TENM3: variants seen among roughly 807,000 people sequenced by gnomAD.
TENM3 encodes teneurin transmembrane protein 3.
A neutral mutation model predicts 255.1 loss-of-function variants in TENM3; 63 were observed. The ratio of observed to expected loss-of-function variants is 0.25; its 90% CI spans 0.20 to 0.30. The LOEUF is 0.30. Ranked by LOEUF, TENM3 falls within the 10% of genes least tolerant of loss-of-function variation. TENM3 has a pLI of 1.00. For missense variants in TENM3, 2,929 were observed against 3,461.1 expected (o/e 0.85, Z 3.86); for synonymous variants, 1,306 against 1,322.3 (o/e 0.99, Z 0.27).
intron 6 of TENM3, 127 bp downstream of exon 6, chr4:182,654,020 C>G: frequency 1.2e-6 from 1 of 863,950 alleles, no homozygotes. Context: ...CAGATATCAT[C>G]TTTTTATAAG....
At chr4:181,760,413 T>C in the TENM3 span, among the ~76,000 whole-genome samples, 1 of 152,210 alleles carries the variant, frequency 6.6e-6, no homozygotes, top group Admixed American at 6.5e-5. Flanking sequence ...TTTGCACTAA[T>C]CTAGTCACTT....
At chr4:181,831,674 A>G in the TENM3 span, among the ~76,000 whole-genome samples, 2 of 152,180 alleles carry the variant, frequency 1.3e-5, no homozygotes, top group Admixed American at 1.3e-4. Context: ...CAGAAACATC[A>G]ATCACAGGAC....
intron 3 of TENM3, among the ~76,000 whole-genome samples, chr4:182,461,193 A>G (rs972160545): frequency 5.3e-5 from 8 of 152,214 alleles, no homozygotes; most frequent in African/African-American, 1.9e-4. Flanking sequence ...AAAGCAAATT[A>G]TCTTGCTTGG....
At chr4:181,504,784 T>G in the TENM3 span, among the ~76,000 whole-genome samples, 2 of 152,192 alleles carry the variant, frequency 1.3e-5, no homozygotes, top group East Asian at 3.9e-4. Context: ...CTGGGTGTAT[T>G]TTGGACAGCT....
the TENM3 span, among the ~76,000 whole-genome samples, chr4:181,649,072 C>CTG: frequency 6.6e-6 from 1 of 152,102 alleles, no homozygotes; most frequent in East Asian, 1.9e-4. Flanking sequence ...CTTGTGGTTA[C>CTG]TGTGGGCAAG....
chr4:182,177,250 C>A (rs141655225), intron 1 of TENM3, among the ~76,000 whole-genome samples: 1 of 152,224 alleles, frequency 6.6e-6, no homozygotes, highest in East Asian at 1.9e-4. Context: ...CCCAATGATA[C>A]ATTTCATTAT....
chr4:182,259,374 G>A (rs973629891), intron 1 of TENM3, among the ~76,000 whole-genome samples: 15 of 152,092 alleles, frequency 9.9e-5, no homozygotes, highest in Non-Finnish European at 4.4e-5. Flanking sequence ...GTGTAGTGGT[G>A]CAAACATGGG....
Position 182,792,302 on chromosome 4 carries a change from G to A in TENM3, c.5630G>A (p.Arg1877Gln). The A allele has an allele frequency of 1.9e-6, 3 of 1,613,758 alleles. No individual in the cohort carries two copies. The highest frequency in any genetic ancestry group is 1.7e-6 in the Non-Finnish European group (2 of 1,179,724). Residue 1877 changes from arginine to glutamine, a missense_variant, in exon 26 of 28, where the codon CGG becomes CAG. This residue lies in a region of TENM3 where 303 missense variants were observed against 425.2 expected (regional missense o/e 0.71). Coordinates refer to ENST00000511685, the MANE Select transcript of TENM3 (RefSeq NM_001080477.4). The surrounding 1 kb of genome is among the most constrained non-coding windows in gnomAD (Gnocchi z 6.3). ...ATGGTTCTTCTGCTTCATAGCCAGC[G>A]GCAGTACATCTTCGAATACGATATG... The part of the protein sequence containing the change: ...KSMVLLLHSQ[R>Q]QYIFEYDMWD...
chr4:182,339,152 G>GA (rs1032677652), intron 2 of TENM3, among the ~76,000 whole-genome samples: 34 of 152,082 alleles, frequency 2.2e-4, no homozygotes, highest in Non-Finnish European at 4.1e-4. Context: ...TGAGTTTTAT[G>GA]AAAAAAGACA....
the TENM3 span, among the ~76,000 whole-genome samples, chr4:181,641,718 T>A: frequency 2.4e-5 from 3 of 125,136 alleles, no homozygotes; most frequent in African/African-American, 9.1e-5. Context: ...TTATATATTA[T>A]ATGTATAATA....
the TENM3 span, among the ~76,000 whole-genome samples, chr4:181,549,938 T>C: frequency 8.6e-3 from 1,305 of 152,176 alleles, 15 homozygotes; most frequent in African/African-American, 0.029. Context: ...CATACAGTTT[T>C]TTTTTCTTTT....
the TENM3 span, among the ~76,000 whole-genome samples, chr4:181,757,879 A>G: frequency 6.6e-6 from 1 of 152,180 alleles, no homozygotes; most frequent in East Asian, 1.9e-4. Flanking sequence ...TTGTGCTGGA[A>G]GCATCTGTTT....
At chr4:181,760,810 G>A in the TENM3 span, among the ~76,000 whole-genome samples, 3 of 151,760 alleles carry the variant, frequency 2.0e-5, no homozygotes, top group Non-Finnish European at 4.4e-5. Flanking sequence ...AGAATCATAT[G>A]GTTCCTCTCC....
the TENM3 span, among the ~76,000 whole-genome samples, chr4:181,599,227 A>G: frequency 6.6e-6 from 1 of 152,250 alleles, no homozygotes; most frequent in African/African-American, 2.4e-5. Flanking sequence ...CATTATCTCA[A>G]GGCACCCCAA....
chr4:182,634,733 G>GAAA, intron 5 of TENM3, among the ~76,000 whole-genome samples: 1 of 140,908 alleles, frequency 7.1e-6, no homozygotes, highest in Non-Finnish European at 1.5e-5. Flanking sequence ...AAAAAAAGAT[G>GAAA]AGCAGTAACC....
chr4:181,955,594 T>G, the TENM3 span, among the ~76,000 whole-genome samples: 4 of 152,136 alleles, frequency 2.6e-5, no homozygotes, highest in African/African-American at 9.7e-5. Context: ...GATGGCAATC[T>G]AGCACATGTT....
intron 25 of TENM3, among the ~76,000 whole-genome samples, chr4:182,790,876 C>T (rs1216443337): frequency 6.6e-6 from 1 of 152,062 alleles, no homozygotes; most frequent in Non-Finnish European, 1.5e-5. Flanking sequence ...TGAGAAGAGC[C>T]GCTGTCACAG....
intron 3 of TENM3, among the ~76,000 whole-genome samples, chr4:182,478,044 G>A (rs1464891162): frequency 6.6e-6 from 1 of 151,994 alleles, no homozygotes; most frequent in Non-Finnish European, 1.5e-5. Context: ...ACTGTAAAAT[G>A]TCTTTCAGGA....
chr4:182,745,465 G>GA (rs1261627007), intron 19 of TENM3, among the ~76,000 whole-genome samples: 1 of 152,130 alleles, frequency 6.6e-6, no homozygotes, highest in African/African-American at 2.4e-5. Context: ...AGGCAATACA[G>GA]AAAAAACTAT....
Sources: gnomAD v4.1 joint callset for allele counts (sites outside exome capture counted in the v4.1 genomes callset) on GRCh38, gnomAD v4.1.1 for gene constraint, gnomAD v4.1.1 regional missense constraint, Gnocchi (gnomAD v3.1) non-coding constraint, MANE v1.5 for transcripts, NCBI Gene and HGNC (gene_info 2026-07-23, HGNC 2026-07-21) for gene names.